Variants in WNK3 observed in about 807,000 individuals in gnomAD.
WNK3 encodes WNK lysine deficient protein kinase 3.
WNK3 carries 18 observed loss-of-function variants against 116.7 expected under a neutral mutation model. That is an observed-to-expected ratio of 0.15 (90% CI 0.11 to 0.23). The LOEUF is 0.23. Among genes scored for constraint, WNK3 ranks in the 10% least tolerant of loss-of-function variants. The probability of loss-of-function intolerance (pLI) is 1.00; values close to 1 mark genes in which losing one functional copy is unlikely to be tolerated. For synonymous variants in WNK3, 404 were observed against 469.4 expected (o/e 0.86, Z 1.80); for missense variants, 993 against 1,323.8 (o/e 0.75, Z 3.88).
At chrX:54,241,041 C>T in intron 17 of WNK3, among the ~76,000 whole-genome samples, 1 of 111,492 alleles carries the variant, frequency 9.0e-6, no homozygotes, top group Non-Finnish European at 1.9e-5. Context: ...TCTGTCCCTT[C>T]TCTCCCCACC....
In WNK3 at chrX:54,198,698, T is replaced by C. The variant is rs782300968; in HGVS notation, c.5074-45A>G. 5.1e-6 allele frequency: 5 copies of C among 981,210 alleles called. No homozygotes were observed. The Admixed American group carries it at 1.7e-4, about 34-fold the overall frequency. 80.9% of individuals were successfully genotyped at this position (981,210 alleles called of 1,213,427 possible). A position where few individuals can be genotyped will look rare whatever the true frequency, so the allele number is the denominator to read the frequency against. Reference sequence around the variant, plus strand: ...AAACAAAAGATCAGTTTATTTGGTATAGACTTTTATCAGTCTATATTCCTT... The same window carrying C: ...AAACAAAAGATCAGTTTATTTGGTACAGACTTTTATCAGTCTATATTCCTT... On this transcript the variant is annotated intron_variant, in intron 23 of 23. Transcript: ENST00000354646.
At chrX:54,290,062 G>A (rs782158714) in intron 10 of WNK3, among the ~76,000 whole-genome samples, 2 of 111,634 alleles carry the variant, frequency 1.8e-5, no homozygotes, top group African/African-American at 6.5e-5. Flanking sequence ...GATCACTTGA[G>A]GCCAGGAGTT....
chrX:54,294,175 C>CT (rs1261090641), intron 8 of WNK3, among the ~76,000 whole-genome samples: 3 of 110,641 alleles, frequency 2.7e-5, no homozygotes, highest in Non-Finnish European at 5.7e-5. Context: ...GAGCAAGGCC[C>CT]TGTCTCAAAA....
intron 8 of WNK3, among the ~76,000 whole-genome samples, chrX:54,293,675 C>T (rs2068665874): frequency 8.9e-6 from 1 of 111,769 alleles, no homozygotes; most frequent in Non-Finnish European, 1.9e-5. Flanking sequence ...TTCTCTTTCT[C>T]CTATAACCTA....
chrX:54,258,498 T>A (rs2146965941), intron 11 of WNK3, among the ~76,000 whole-genome samples: 1 of 107,983 alleles, frequency 9.3e-6, no homozygotes, highest in African/African-American at 3.4e-5. Context: ...CACACCTGGC[T>A]AAATTTTGTA....
At chrX:54,206,209 G>A (rs1394560383) in intron 22 of WNK3, among the ~76,000 whole-genome samples, 1 of 110,503 alleles carries the variant, frequency 9.0e-6, no homozygotes, top group African/African-American at 3.3e-5. Flanking sequence ...GACCAGCCTG[G>A]GCAACATAGG....
intron 10 of WNK3, among the ~76,000 whole-genome samples, chrX:54,291,945 G>A (rs2068644143): frequency 9.0e-6 from 1 of 111,378 alleles, no homozygotes; most frequent in Non-Finnish European, 1.9e-5. Context: ...AGGTATGGTG[G>A]GAGGTGAGAG....
exon 24 of WNK3, chrX:54,194,860 A>G (rs1422072912): frequency 8.9e-6 from 1 of 111,799 alleles, no homozygotes; most frequent in Non-Finnish European, 1.9e-5. Flanking sequence ...AAAATGATAT[A>G]TCCCATCAAA....
chrX:54,225,620 C>CAAAAAAAAAAAAAAAAAAAAA (rs781823865), intron 22 of WNK3, among the ~76,000 whole-genome samples: 1 of 50,920 alleles, frequency 2.0e-5, no homozygotes, highest in Non-Finnish European at 4.2e-5. Context: ...GACTCTGTTT[C>CAAAAAAAAAAAAAAAAAAAAA]AAAAAAAAAA....
chrX:54,226,818 C>T (rs1447949431), intron 22 of WNK3, among the ~76,000 whole-genome samples: 1 of 111,668 alleles, frequency 9.0e-6, no homozygotes, highest in Non-Finnish European at 1.9e-5. Context: ...CCAGCCTGGG[C>T]GACGGAGTGA....
chrX:54,230,000 A>T (rs886483152), intron 21 of WNK3, among the ~76,000 whole-genome samples: 6 of 111,723 alleles, frequency 5.4e-5, no homozygotes, highest in African/African-American at 9.7e-5. Context: ...CACAATTTTT[A>T]AAAAAAATTT....
At chrX:54,306,472 A>G (rs2068826563) in intron 5 of WNK3, among the ~76,000 whole-genome samples, 1 of 112,283 alleles carries the variant, frequency 8.9e-6, no homozygotes, top group Non-Finnish European at 1.9e-5. Flanking sequence ...TAAAAAGAAG[A>G]AAATTCTATC....
intron 17 of WNK3, among the ~76,000 whole-genome samples, chrX:54,239,420 A>G (rs782245940): frequency 1.1e-4 from 12 of 111,085 alleles, no homozygotes; most frequent in Admixed American, 6.7e-4. Flanking sequence ...CATTATACAA[A>G]CTTTGAAAAC....
At chrX:54,224,013 C>A in intron 22 of WNK3, 1 of 130,326 alleles carries the variant, frequency 7.7e-6, no homozygotes, top group Non-Finnish European at 1.6e-5. Flanking sequence ...ATCCTGGGTC[C>A]AAAATCTCTG....
intron 21 of WNK3, among the ~76,000 whole-genome samples, chrX:54,229,289 C>T (rs1167641379): frequency 9.2e-6 from 1 of 108,653 alleles, no homozygotes; most frequent in East Asian, 2.9e-4. Context: ...TACACCAAAC[C>T]CCCATGACAT....
chrX:54,312,529 C>T (rs1457597476), intron 2 of WNK3, among the ~76,000 whole-genome samples: 2 of 109,968 alleles, frequency 1.8e-5, no homozygotes, highest in Non-Finnish European at 3.8e-5. Context: ...CCTCTGCTTC[C>T]CGGGGTCAAG....
chrX:54,250,042 A>G (rs782767979), exon 16 of WNK3: 3 of 1,203,043 alleles, frequency 2.5e-6, no homozygotes, highest in Non-Finnish European at 3.4e-6. Context: ...TGCTGAAGAG[A>G]AGGAGGAGAC....
intron 10 of WNK3, among the ~76,000 whole-genome samples, chrX:54,277,362 G>A (rs1158392871): frequency 2.8e-5 from 3 of 107,558 alleles, no homozygotes; most frequent in Non-Finnish European, 5.8e-5. Context: ...TTTTTGAGAC[G>A]GAGTCTTGCT....
intron 10 of WNK3, among the ~76,000 whole-genome samples, chrX:54,270,462 T>C: frequency 9.8e-6 from 1 of 102,064 alleles, no homozygotes; most frequent in Middle Eastern, 4.6e-3. Flanking sequence ...TGGAGTGCAA[T>C]GGCGTGGTCT....
Sources: allele counts gnomAD v4.1 joint callset (sites outside exome capture counted in the v4.1 genomes callset), GRCh38; gene constraint gnomAD v4.1.1; transcripts MANE v1.5; gene names NCBI Gene and HGNC (gene_info 2026-07-23, HGNC 2026-07-21).